HSD11B1: variants seen among roughly 807,000 people sequenced by gnomAD.
HSD11B1 encodes the protein 11-beta-hydroxysteroid dehydrogenase 1.
Under a neutral mutation model 22.1 loss-of-function variants are expected in HSD11B1, and 15 were observed. The observed-to-expected ratio is 0.68, with a 90% CI of 0.45 to 1.04. The LOEUF is 1.04. Ranked by LOEUF, HSD11B1 falls within the 50% of genes least tolerant of loss-of-function variation. HSD11B1 has a pLI of 0.00. For synonymous variants in HSD11B1, 122 were observed against 125.2 expected (o/e 0.97, Z 0.17); for missense variants, 281 against 357.6 (o/e 0.79, Z 1.73).
At chr1:209,725,937 T>C (rs542952254) in intron 4 of HSD11B1, among the ~76,000 whole-genome samples, 19 of 152,276 alleles carry the variant, frequency 1.2e-4, no homozygotes, top group African/African-American at 4.3e-4. Context: ...CCATATGTTA[T>C]TATGTTACAG....
intron 1 of HSD11B1, among the ~76,000 whole-genome samples, chr1:209,694,161 C>T (rs569912972): frequency 1.7e-4 from 26 of 152,310 alleles, no homozygotes; most frequent in Admixed American, 9.2e-4. Flanking sequence ...ATTTAATTCT[C>T]CCAATTCTAT....
chr1:209,691,299 G>A (rs558108565), intron 1 of HSD11B1, among the ~76,000 whole-genome samples: 14 of 152,304 alleles, frequency 9.2e-5, no homozygotes, highest in African/African-American at 7.2e-5. Flanking sequence ...TTATTTGGCC[G>A]GGGTCAGATG....
intron 4 of HSD11B1, among the ~76,000 whole-genome samples, chr1:209,714,388 T>C (rs752880880): frequency 3.9e-5 from 6 of 152,242 alleles, no homozygotes; most frequent in Non-Finnish European, 8.8e-5. Flanking sequence ...GTGATTAGGC[T>C]GTGCTCTCCT....
chr1:209,699,616 CA>C (rs1167935771), intron 1 of HSD11B1, among the ~76,000 whole-genome samples: 1 of 152,116 alleles, frequency 6.6e-6, no homozygotes, highest in Non-Finnish European at 1.5e-5. Context: ...CTGGCCCCTC[CA>C]AATCTCATGT....
At chr1:209,727,482 C>A (rs1359399727) in intron 4 of HSD11B1, among the ~76,000 whole-genome samples, 1 of 152,158 alleles carries the variant, frequency 6.6e-6, no homozygotes, top group Admixed American at 6.5e-5. Flanking sequence ...TACTGCTATT[C>A]ATAAATTTTG....
At chr1:209,707,885 G>T (rs1164305753) in intron 4 of HSD11B1, among the ~76,000 whole-genome samples, 1 of 151,594 alleles carries the variant, frequency 6.6e-6, no homozygotes, top group Non-Finnish European at 1.5e-5. Context: ...ACAGGTGTCT[G>T]ATAAGTGGGC....
intron 4 of HSD11B1, among the ~76,000 whole-genome samples, chr1:209,730,330 A>G (rs1234331692): frequency 6.6e-6 from 1 of 152,224 alleles, no homozygotes; most frequent in Non-Finnish European, 1.5e-5. Flanking sequence ...AGCTTTTCCT[A>G]AAGTTCACAA....
At chr1:209,731,401 T>C (rs762593035) in intron 4 of HSD11B1, among the ~76,000 whole-genome samples, 1 of 151,896 alleles carries the variant, frequency 6.6e-6, no homozygotes, top group Non-Finnish European at 1.5e-5. Context: ...CAATACAAAA[T>C]TAACACCCAT....
At position 209,734,767 on chromosome 1, in the gene HSD11B1, G is replaced by T. The variant is rs1571891088; in HGVS notation, c.*246G>T. 1 of 324,204 alleles carries T rather than the reference G, an allele frequency of 3.1e-6. No homozygotes were observed. Among genetic ancestry groups the T allele is most frequent in the East Asian group, 6.0e-5 (1 of 16,570 alleles). The allele number at this position is 324,204 out of a possible 1,614,324, so 20.1% of individuals were successfully genotyped here. ...TTAGTAAACATAGGTATAATTACCA[G>T]ATAGTTATATTAAATTTATATCTTA... On this transcript the variant is annotated 3_prime_UTR_variant, in exon 6 of 6. Coordinates refer to ENST00000367027, the MANE Select transcript of HSD11B1 (RefSeq NM_005525.4).
intron 4 of HSD11B1, among the ~76,000 whole-genome samples, chr1:209,709,397 T>C (rs1354805051): frequency 1.3e-5 from 2 of 152,226 alleles, no homozygotes; most frequent in East Asian, 1.9e-4. Context: ...TTGGCACCTA[T>C]TGAGCAAGTT....
At chr1:209,726,594 C>T (rs992054669) in intron 4 of HSD11B1, among the ~76,000 whole-genome samples, 1 of 151,354 alleles carries the variant, frequency 6.6e-6, no homozygotes, top group East Asian at 1.9e-4. Context: ...TTTCTAACAA[C>T]AACAAAAAAA....
rs577498125 is a variant in HSD11B1 at position 209,731,895 on chromosome 1, T to C, written c.518-541T>C. On this transcript the variant is annotated intron_variant, in intron 4 of 5. Transcript: ENST00000367027. ...CTAATGTTTGTATTTTTAGTAGAGA[T>C]GGGGTTTCATCATGTTAGTCAGGCT... Among the ~76,000 whole-genome samples the C allele has an allele frequency of 1.1e-4, 17 of 152,228 alleles. 1 individual carries two copies. In the South Asian group the frequency reaches 3.5e-3, roughly 32 times the overall value.
chr1:209,734,162 T>C lies in HSD11B1; in HGVS notation c.662-142T>C, dbSNP rs772687205. ...GACTCTAACATACCCAGTCTCTCCATGTATTCCCTATAGTGCCTGTGAGGC... is the reference window on the plus strand; with the variant it reads ...GACTCTAACATACCCAGTCTCTCCACGTATTCCCTATAGTGCCTGTGAGGC... On this transcript the variant is annotated intron_variant, in intron 5 of 5. Transcript: ENST00000367027. The C allele has an allele frequency of 4.4e-6, 3 of 687,882 alleles. No homozygotes were observed. In the African/African-American group the frequency reaches 5.3e-5, roughly 12 times the overall value. 42.6% of individuals were successfully genotyped at this position (687,882 alleles called of 1,614,324 possible).
chr1:209,705,973 C>A, intron 2 of HSD11B1, 32 bp downstream of exon 2: 1 of 1,612,660 alleles, frequency 6.2e-7, no homozygotes, highest in Non-Finnish European at 8.5e-7. Flanking sequence ...ATATGTGTAC[C>A]GTCACATGCT....
At chr1:209,709,937 AACACACACACAC>A (rs71143893) in intron 4 of HSD11B1, among the ~76,000 whole-genome samples, 42 of 143,872 alleles carry the variant, frequency 2.9e-4, no homozygotes, top group Admixed American at 1.0e-3. Flanking sequence ...CCACATGTGA[AACACACACACAC>A]ACACACACAC....
At chr1:209,731,359 C>T (rs73089452) in intron 4 of HSD11B1, among the ~76,000 whole-genome samples, 36 of 151,980 alleles carry the variant, frequency 2.4e-4, no homozygotes, top group African/African-American at 7.7e-4. Context: ...ATCCAGGTAC[C>T]CTGCAATGTA....
chr1:209,723,146 A>T (rs966247147), intron 4 of HSD11B1, among the ~76,000 whole-genome samples: 4 of 152,130 alleles, frequency 2.6e-5, no homozygotes, highest in Non-Finnish European at 5.9e-5. Context: ...TGCTTCAGAA[A>T]ATATAGTCAC....
intron 1 of HSD11B1, among the ~76,000 whole-genome samples, chr1:209,687,110 G>A (rs1345916089): frequency 6.6e-6 from 1 of 152,198 alleles, no homozygotes; most frequent in Non-Finnish European, 1.5e-5. Flanking sequence ...AGAGGGTTGT[G>A]GCTTAGTGAT....
At chr1:209,711,895 TG>T (rs1249544561) in intron 4 of HSD11B1, among the ~76,000 whole-genome samples, 2 of 152,124 alleles carry the variant, frequency 1.3e-5, no homozygotes, top group Non-Finnish European at 2.9e-5. Context: ...ATGAAGACAG[TG>T]ACAATTTAGT....
Sources: gnomAD v4.1 joint callset for allele counts (sites outside exome capture counted in the v4.1 genomes callset) on GRCh38, gnomAD v4.1.1 for gene constraint, MANE v1.5 for transcripts, NCBI Gene and HGNC (gene_info 2026-07-23, HGNC 2026-07-21) for gene names.